UNC5D: variants seen among roughly 807,000 people sequenced by gnomAD.
The protein encoded by UNC5D is netrin receptor UNC5D.
In UNC5D, 39 loss-of-function variants were observed where a neutral mutation model predicts 105.4. That is an observed-to-expected ratio of 0.37 (90% confidence interval 0.29 to 0.48). The LOEUF is 0.48. UNC5D is among the 20% of genes least tolerant of loss of function. UNC5D has a pLI of 0.98. For synonymous variants in UNC5D, 452 were observed against 450.4 expected (o/e 1.00, Z -0.04); for missense variants, 991 against 1,202.4 (o/e 0.82, Z 2.60).
At chr8:35,609,629 A>G (rs1168522286) in intron 4 of UNC5D, among the ~76,000 whole-genome samples, 1 of 152,200 alleles carries the variant, frequency 6.6e-6, no homozygotes, top group Admixed American at 6.5e-5. Flanking sequence ...TGAGTATACT[A>G]TAGGTAATGA....
In UNC5D at chr8:35,286,518, C is replaced by T. The variant is rs185017214; in HGVS notation, c.103+50631C>T. On this transcript the variant is annotated intron_variant, in intron 1 of 16. Coordinates refer to ENST00000404895, the MANE Select transcript of UNC5D (RefSeq NM_080872.4). ...GAGAGGTAATCCAACTAAGTTCTGG[C>T]GCTCACATGAAATCTTCCCCAGATT... 1.6e-4 allele frequency among the ~76,000 whole-genome samples: 24 copies of T among 152,238 alleles called. No homozygotes were observed. The East Asian group carries it at 1.7e-3, about 11-fold the overall frequency.
chr8:35,525,746 G>A (rs1325088991), intron 1 of UNC5D: 5 of 1,561,862 alleles, frequency 3.2e-6, no homozygotes, highest in Admixed American at 3.8e-5. Context: ...TGAAGTACTC[G>A]CCCGGAGGAG....
chr8:35,322,530 T>C (rs2950921), intron 1 of UNC5D, among the ~76,000 whole-genome samples: 124,718 of 152,056 alleles, frequency 0.82, 51,605 homozygotes, highest in East Asian at 1. Flanking sequence ...GTTGTTTTCA[T>C]GTAATACATT....
chr8:35,635,433 T>G (rs965110127), intron 4 of UNC5D, among the ~76,000 whole-genome samples: 1 of 152,192 alleles, frequency 6.6e-6, no homozygotes, highest in African/African-American at 2.4e-5. Flanking sequence ...TTGTCCAAGG[T>G]CTACTCACCT....
chr8:35,246,641 C>T (rs1432725605), intron 1 of UNC5D, among the ~76,000 whole-genome samples: 1 of 151,954 alleles, frequency 6.6e-6, no homozygotes, highest in Non-Finnish European at 1.5e-5. Context: ...GATCTGAAGT[C>T]TTATCAAATT....
intron 7 of UNC5D, among the ~76,000 whole-genome samples, chr8:35,691,307 A>G (rs578070742): frequency 6.6e-6 from 1 of 152,100 alleles, no homozygotes; most frequent in South Asian, 2.1e-4. Context: ...ACATAGCAAG[A>G]CCCCGGTCTC....
intron 2 of UNC5D, among the ~76,000 whole-genome samples, chr8:35,567,163 AC>A (rs1023107301): frequency 2.7e-5 from 4 of 150,722 alleles, no homozygotes; most frequent in South Asian, 2.1e-4. Flanking sequence ...TTCTATAAAA[AC>A]CCCCCTTTCT....
chr8:35,768,461 A>G (rs1801868722), intron 15 of UNC5D, among the ~76,000 whole-genome samples: 1 of 152,224 alleles, frequency 6.6e-6, no homozygotes, highest in Non-Finnish European at 1.5e-5. Context: ...GGCTTTAAAA[A>G]TAAAAACAAA....
chr8:35,285,448 T>C (rs529775949), intron 1 of UNC5D, among the ~76,000 whole-genome samples: 1 of 152,336 alleles, frequency 6.6e-6, no homozygotes, highest in African/African-American at 2.4e-5. Context: ...ATAAGTTCAA[T>C]TTCTAGTGTT....
intron 1 of UNC5D, among the ~76,000 whole-genome samples, chr8:35,391,000 T>C (rs998705331): frequency 3.3e-5 from 5 of 152,218 alleles, no homozygotes; most frequent in African/African-American, 4.8e-5. Flanking sequence ...TGTATGCCAT[T>C]GGGGCTTGTA....
chr8:35,331,259 G>C (rs376872618), intron 1 of UNC5D, among the ~76,000 whole-genome samples: 3 of 152,112 alleles, frequency 2.0e-5, no homozygotes, highest in Non-Finnish European at 4.4e-5. Context: ...CCAGTGGTTC[G>C]ATAAAAATTA....
In UNC5D at chr8:35,549,578, G is replaced by A. The variant is rs1289494567; in HGVS notation, c.322+68G>A. 20 of 1,434,844 alleles carry A rather than the reference G, an allele frequency of 1.4e-5. 1 individual carries two copies. In the East Asian group the frequency reaches 2.2e-4, roughly 16 times the overall value. 88.9% of individuals were successfully genotyped at this position (1,434,844 alleles called of 1,614,324 possible). On this transcript the variant is annotated intron_variant, in intron 2 of 16. Coordinates refer to ENST00000404895, the MANE Select transcript of UNC5D (RefSeq NM_080872.4). ...AGGTTCTCCTGTGGTTATATCTCTG[G>A]GAAAGACTGGAAATCACCCCCCATT...
At chr8:35,472,249 G>A (rs1165692234) in intron 1 of UNC5D, among the ~76,000 whole-genome samples, 2 of 152,086 alleles carry the variant, frequency 1.3e-5, no homozygotes, top group Non-Finnish European at 2.9e-5. Flanking sequence ...TGTGGGCATA[G>A]GTGGGGAACC....
intron 1 of UNC5D, among the ~76,000 whole-genome samples, chr8:35,331,325 G>C (rs374138391): frequency 6.6e-6 from 1 of 152,118 alleles, no homozygotes; most frequent in Non-Finnish European, 1.5e-5. Flanking sequence ...ATAGACCCCT[G>C]AGCACTGATG....
chr8:35,652,413 A>T (rs1412240413), intron 4 of UNC5D, among the ~76,000 whole-genome samples: 1 of 152,160 alleles, frequency 6.6e-6, no homozygotes, highest in East Asian at 1.9e-4. Flanking sequence ...ATGAGGATGT[A>T]CCTACTCTCA....
In UNC5D at chr8:35,382,911, C is replaced by T. The variant is rs141068428; in HGVS notation, c.103+147024C>T. On this transcript the variant is annotated intron_variant, in intron 1 of 16. Transcript: ENST00000404895. ...ATTACCTACATTTTCTTAACGCTGTCGTCGTCTACTTTTCACGCAAGTCCC... is the reference window on the plus strand; with the variant it reads ...ATTACCTACATTTTCTTAACGCTGTTGTCGTCTACTTTTCACGCAAGTCCC... 1.2e-3 allele frequency among the ~76,000 whole-genome samples: 177 copies of T among 152,226 alleles called. 2 individuals are homozygous for T. The highest frequency in any genetic ancestry group is 1.0e-3 in the Non-Finnish European group (69 of 68,024).
At chr8:35,387,048 C>G (rs1465481318) in intron 1 of UNC5D, among the ~76,000 whole-genome samples, 6 of 151,804 alleles carry the variant, frequency 4.0e-5, no homozygotes, top group Admixed American at 3.9e-4. Flanking sequence ...ATCAGCATCA[C>G]CTAGGTGCTT....
At chr8:35,249,222 G>A (rs1298786451) in intron 1 of UNC5D, among the ~76,000 whole-genome samples, 3 of 146,154 alleles carry the variant, frequency 2.1e-5, no homozygotes, top group Non-Finnish European at 4.5e-5. Flanking sequence ...TCCTCAAAAA[G>A]CCATAAATTT....
chr8:35,360,356 A>G (rs1424502851), intron 1 of UNC5D, among the ~76,000 whole-genome samples: 1 of 152,180 alleles, frequency 6.6e-6, no homozygotes, highest in African/African-American at 2.4e-5. Flanking sequence ...GAGGGCTTTC[A>G]TTAGAGAATC....
Sources: gnomAD v4.1 joint callset for allele counts (sites outside exome capture counted in the v4.1 genomes callset) on GRCh38, gnomAD v4.1.1 for gene constraint, MANE v1.5 for transcripts, NCBI Gene and HGNC (gene_info 2026-07-23, HGNC 2026-07-21) for gene names.